Variants in RBM41 observed in about 807,000 individuals in gnomAD.
The protein encoded by RBM41 is RNA-binding protein 41.
In RBM41, 14 loss-of-function variants were observed where a neutral mutation model predicts 30.8. The observed-to-expected ratio is 0.45, with a 90% CI of 0.30 to 0.71. The LOEUF is 0.71. Among genes scored for constraint, RBM41 ranks in the 30% least tolerant of loss-of-function variants. RBM41 has a pLI of 0.08. For missense variants in RBM41, 276 were observed against 326.3 expected (o/e 0.85, Z 1.19); for synonymous variants, 120 against 110.1 (o/e 1.09, Z -0.56).
chrX:107,084,652 T>TTACCACC (rs763542948), intron 6 of RBM41, among the ~76,000 whole-genome samples: 57 of 111,604 alleles, frequency 5.1e-4, no homozygotes, highest in Non-Finnish European at 9.4e-5. Flanking sequence ...TTTGTCAAAG[T>TTACCACC]TACCACCTAA....
In RBM41 at chrX:107,115,742, G is replaced by A. The variant is rs1432021099; in HGVS notation, c.318+120C>T. 6.3e-6 allele frequency: 6 copies of A among 954,728 alleles called. No individual in the cohort carries two copies. In the African/African-American group the frequency reaches 9.8e-5, roughly 16 times the overall value. The allele number at this position is 954,728 out of a possible 1,213,427, so 78.7% of individuals were successfully genotyped here. On this transcript the variant is annotated intron_variant, in intron 3 of 7. Coordinates refer to ENST00000685964, the MANE Select transcript of RBM41 (RefSeq NM_001324242.2). ...CATTCTAAAAATCAAAGAAGATTCA[G>A]ACACCAAGCTCAGTTTTGTGAGAAC...
In RBM41 at chrX:107,065,737, G is replaced by GCTTC. The variant is rs1935814704; in HGVS notation, c.*1786_*1789dup. Reference sequence around the variant, plus strand: ...CAGTTCTTTAGTACAAGACAGTTTTGCTTCCACTCAGCTTCTTCAACCTGT... The same window carrying GCTTC: ...CAGTTCTTTAGTACAAGACAGTTTTGCTTCCTTCCACTCAGCTTCTTCAACCTGT... On this transcript the variant is annotated 3_prime_UTR_variant, in exon 8 of 8. Coordinates refer to ENST00000685964, the MANE Select transcript of RBM41 (RefSeq NM_001324242.2). 1 of 1,152,843 alleles carries GCTTC rather than the reference G, an allele frequency of 8.7e-7. No homozygotes were observed. The highest frequency in any genetic ancestry group is 1.8e-5 in the African/African-American group (1 of 55,161).
chrX:107,080,278 T>TAA (rs748867061), intron 6 of RBM41, among the ~76,000 whole-genome samples: 37 of 94,136 alleles, frequency 3.9e-4, no homozygotes, highest in Non-Finnish European at 2.6e-4. Context: ...AATATATCCA[T>TAA]AAAAAAAAAA....
At chrX:107,084,989 G>A (rs1921886358) in intron 6 of RBM41, among the ~76,000 whole-genome samples, 1 of 111,187 alleles carries the variant, frequency 9.0e-6, no homozygotes. Flanking sequence ...TTTCTCTACT[G>A]TGTAGTATTC....
At chrX:107,116,833 T>C in intron 1 of RBM41, 67 bp from the exon 2 acceptor site, 1 of 999,714 alleles carries the variant, frequency 1.0e-6, no homozygotes, top group East Asian at 3.1e-5. Flanking sequence ...ATATTCCTTA[T>C]CTATATTATC....
intron 6 of RBM41, among the ~76,000 whole-genome samples, chrX:107,080,916 A>T (rs1921465491): frequency 8.9e-6 from 1 of 111,770 alleles, no homozygotes; most frequent in African/African-American, 3.3e-5. Context: ...TATTTTGGAT[A>T]CAAGTTTTTT....
chrX:107,052,557 T>C, the RBM41 span, among the ~76,000 whole-genome samples: 5 of 111,147 alleles, frequency 4.5e-5, no homozygotes, highest in East Asian at 1.4e-3. Context: ...CAGTTGAGAT[T>C]TCCTCAGGAG....
intron 5 of RBM41, among the ~76,000 whole-genome samples, chrX:107,103,901 T>C (rs908036133): frequency 1.4e-4 from 16 of 111,223 alleles, no homozygotes; most frequent in African/African-American, 5.2e-4. Context: ...ATCTTCTGTG[T>C]TGATAGGGGT....
At position 107,064,539 on chromosome X, in the gene RBM41, G is replaced by A. The variant is rs1450574832; in HGVS notation, c.*2988C>T. 9.0e-6 allele frequency: 1 copy of A among 110,559 alleles called. No individual in the cohort carries two copies. Among genetic ancestry groups the A allele is most frequent in the African/African-American group, 3.3e-5 (1 of 30,362 alleles). The allele number at this position is 110,559 out of a possible 1,213,427, so 9.1% of individuals were successfully genotyped here. On this transcript the variant is annotated 3_prime_UTR_variant, in exon 8 of 8. Transcript: ENST00000685964. ...GCTGAGATTTCAGGCGTGAGCTACT[G>A]CACCCAGCCAGTCACTTACAAGTGT...
intron 6 of RBM41, among the ~76,000 whole-genome samples, chrX:107,087,823 C>T (rs923876770): frequency 5.4e-5 from 6 of 111,927 alleles, no homozygotes; most frequent in Admixed American, 9.4e-5. Flanking sequence ...AGGCTGGTCT[C>T]GAACTCCTGA....
chrX:107,069,257 G>C lies in RBM41; in HGVS notation c.1145C>G (p.Pro382Arg), dbSNP rs757471596. Reference sequence around the variant, plus strand: ...ATCATCTGGATGAAACTACTTACTGGGAAAGGTGATAAAAGCCTGGCCCCT... The same window carrying C: ...ATCATCTGGATGAAACTACTTACTGCGAAAGGTGATAAAAGCCTGGCCCCT... ...RMRGQAFITF[P>R]NKEIAWQALH... The change falls in exon 7 of 8, where the codon CCC becomes CGC. Residue 382 changes from proline to arginine, a missense_variant and splice_region_variant. Physicochemically the swap from Pro to Arg is moderately radical, Grantham distance 103. Transcript: ENST00000685964. 16 of 1,199,665 alleles carry C rather than the reference G, an allele frequency of 1.3e-5. No individual in the cohort carries two copies. The highest frequency in any genetic ancestry group is 8.9e-5 in the East Asian group (3 of 33,654).
At chrX:107,087,900 C>A (rs1192536764) in intron 6 of RBM41, among the ~76,000 whole-genome samples, 1 of 112,506 alleles carries the variant, frequency 8.9e-6, no homozygotes, top group Non-Finnish European at 1.9e-5. Context: ...CCACACCTGG[C>A]CTTGTTGGAC....
intron 5 of RBM41, among the ~76,000 whole-genome samples, chrX:107,091,196 G>C (rs962511930): frequency 8.9e-6 from 1 of 111,816 alleles, no homozygotes; most frequent in Non-Finnish European, 1.9e-5. Context: ...CTTTATTTTA[G>C]AGTGTATCTC....
At chrX:107,093,776 TAG>T (rs1922751755) in intron 5 of RBM41, among the ~76,000 whole-genome samples, 2 of 110,360 alleles carry the variant, frequency 1.8e-5, no homozygotes, top group Non-Finnish European at 3.8e-5. Flanking sequence ...AATGGAAAAA[TAG>T]AGAAAAATCA....
chrX:107,056,158 G>A, the RBM41 span, among the ~76,000 whole-genome samples: 1 of 111,644 alleles, frequency 9.0e-6, no homozygotes. Context: ...ATGATCATGT[G>A]TTTTTTTCCT....
chrX:107,067,193 ATGT>A lies in RBM41; in HGVS notation c.*331_*333del, dbSNP rs1227722103. On this transcript the variant is annotated 3_prime_UTR_variant, in exon 8 of 8. Coordinates refer to ENST00000685964, the MANE Select transcript of RBM41 (RefSeq NM_001324242.2). ...TGTATACGAAGCAGTCTAAGAAAGA[ATGT>A]TATCTCTAGAGACAAATATTGAGGA... The A allele has an allele frequency of 2.6e-6, 2 of 771,974 alleles. No homozygotes were observed. Among genetic ancestry groups the A allele is most frequent in the East Asian group, 2.3e-4 (2 of 8,653 alleles). 63.6% of individuals were successfully genotyped at this position (771,974 alleles called of 1,213,427 possible).
intron 5 of RBM41, among the ~76,000 whole-genome samples, chrX:107,104,878 A>G (rs960409058): frequency 9.0e-6 from 1 of 111,039 alleles, no homozygotes; most frequent in Non-Finnish European, 1.9e-5. Context: ...CAAAATAATA[A>G]GAGCTATCTA....
chrX:107,067,714 T>C, intron 7 of RBM41, 21 bp from the exon 8 acceptor site: 1 of 1,181,259 alleles, frequency 8.5e-7, no homozygotes, highest in Non-Finnish European at 1.1e-6. Flanking sequence ...AAGAAAAAAT[T>C]TCAATTTACA....
chrX:107,089,735 G>A lies in RBM41; in HGVS notation c.596-896C>T, dbSNP rs200982717. On this transcript the variant is annotated intron_variant, in intron 5 of 7. Coordinates refer to ENST00000685964, the MANE Select transcript of RBM41 (RefSeq NM_001324242.2). ...TGTATCATGTCATAAGACACATAAC[G>A]TTTGGTGGTCCTATTTTTAGTGATA... Among the ~76,000 whole-genome samples the A allele has an allele frequency of 3.6e-5, 4 of 111,658 alleles. No individual in the cohort carries two copies. The East Asian group carries it at 1.1e-3, about 31-fold the overall frequency.
Sources: gnomAD v4.1 joint callset for allele counts (sites outside exome capture counted in the v4.1 genomes callset) on GRCh38, gnomAD v4.1.1 for gene constraint, MANE v1.5 for transcripts, NCBI Gene and HGNC (gene_info 2026-07-23, HGNC 2026-07-21) for gene names.